ATRNL1: variants seen among roughly 807,000 people sequenced by gnomAD.
The protein encoded by ATRNL1 is attractin-like protein 1.
In ATRNL1, 95 loss-of-function variants were observed where a neutral mutation model predicts 182.7. The ratio of observed to expected loss-of-function variants is 0.52; its 90% CI spans 0.44 to 0.62. ATRNL1 has a LOEUF of 0.62. ATRNL1 is among the 20% of genes least tolerant of loss of function. The pLI, the probability that ATRNL1 is intolerant of heterozygous loss-of-function variation, is 0.00. For missense variants in ATRNL1, 1,471 were observed against 1,679.5 expected, an observed-to-expected ratio of 0.88 and a Z score of 2.17; for synonymous variants, 576 against 568.3, an observed-to-expected ratio of 1.01 and a Z score of -0.19.
At chr10:115,343,093 G>C (rs782412342) in intron 19 of ATRNL1, among the ~76,000 whole-genome samples, 1 of 152,034 alleles carries the variant, frequency 6.6e-6, no homozygotes, top group Non-Finnish European at 1.5e-5. Context: ...TAAATGCCTT[G>C]ATGTAGTCTT....
intron 19 of ATRNL1, 30 bp downstream of exon 19, chr10:115,334,449 A>G (rs1855385873): frequency 2.0e-6 from 3 of 1,486,238 alleles, no homozygotes; most frequent in Non-Finnish European, 1.8e-6. Context: ...ATTTTGGTGT[A>G]TTTTTACTAA....
rs186346344 is a variant in ATRNL1 at position 115,583,964 on chromosome 10, T to C, written c.3795+34428T>C. On this transcript the variant is annotated intron_variant, in intron 26 of 28. Transcript: ENST00000355044. ...TATTGAGAGTTTTTAGCATGAAGCA[T>C]TGTTGAATTTTGTCAAAGGCCTTTG... 5.5e-3 allele frequency among the ~76,000 whole-genome samples: 830 copies of C among 152,256 alleles called. 3 individuals carry two copies. Among genetic ancestry groups the C allele is most frequent in the Non-Finnish European group, 6.8e-3 (465 of 68,012 alleles).
intron 20 of ATRNL1, among the ~76,000 whole-genome samples, chr10:115,399,475 C>G (rs73365440): frequency 0.019 from 2,894 of 152,056 alleles, 89 homozygotes; most frequent in African/African-American, 0.066. Context: ...ATAATGTTCT[C>G]TCATGGTTGT....
At chr10:115,558,065 C>CAAAA (rs113014620) in intron 26 of ATRNL1, among the ~76,000 whole-genome samples, 1 of 144,632 alleles carries the variant, frequency 6.9e-6, no homozygotes, top group African/African-American at 2.5e-5. Flanking sequence ...AACAAAAAAA[C>CAAAA]AAAAAAAAAA....
Position 115,281,432 on chromosome 10 carries a change from A to T in ATRNL1, c.2178A>T (p.Ser726=). Residue 726 remains serine, a synonymous_variant, in exon 14 of 29, where the codon TCA becomes TCT. Transcript: ENST00000355044. ...CNKLTSCKSC[S]LNLNCQWDQR... ...AACTTACCAGCTGTAAAAGCTGTTC[A>T]CTAAACTTGAATTGCCAGTGGGATC... 1 of 1,613,692 alleles carries T rather than the reference A, an allele frequency of 6.2e-7. No individual in the cohort carries two copies. Among genetic ancestry groups the T allele is most frequent in the Non-Finnish European group, 8.5e-7 (1 of 1,179,752 alleles).
At chr10:115,924,948 G>A (rs1555119641) in intron 28 of ATRNL1, among the ~76,000 whole-genome samples, 4 of 152,072 alleles carry the variant, frequency 2.6e-5, no homozygotes, top group Admixed American at 2.0e-4. Flanking sequence ...ACTTCCCCTT[G>A]AAGAGATCCC....
chr10:115,210,886 C>T (rs1236648454), intron 8 of ATRNL1, among the ~76,000 whole-genome samples: 2 of 151,888 alleles, frequency 1.3e-5, no homozygotes, highest in East Asian at 1.9e-4. Context: ...CTTTCATTTA[C>T]GTCACTTTAG....
At chr10:115,740,623 C>T (rs909192681) in intron 27 of ATRNL1, among the ~76,000 whole-genome samples, 18 of 152,042 alleles carry the variant, frequency 1.2e-4, no homozygotes, top group African/African-American at 3.1e-4. Context: ...CTTCTGCCTC[C>T]GCCTCTTGAG....
At chr10:115,881,418 G>A (rs1247091081) in intron 28 of ATRNL1, among the ~76,000 whole-genome samples, 1 of 152,146 alleles carries the variant, frequency 6.6e-6, no homozygotes, top group African/African-American at 2.4e-5. Context: ...TCTGCCGGAT[G>A]GTGATGAAGG....
intron 21 of ATRNL1, among the ~76,000 whole-genome samples, chr10:115,429,863 C>G (rs540474406): frequency 1.3e-5 from 2 of 152,010 alleles, no homozygotes; most frequent in African/African-American, 2.4e-5. Flanking sequence ...GTCAGGAGAT[C>G]GAGACCATCC....
intron 26 of ATRNL1, among the ~76,000 whole-genome samples, chr10:115,705,699 C>T (rs1946876172): frequency 6.6e-6 from 1 of 151,848 alleles, no homozygotes; most frequent in Non-Finnish European, 1.5e-5. Flanking sequence ...ATATGCATGT[C>T]CTATAAGATT....
At chr10:115,719,990 G>T (rs1337032570) in intron 26 of ATRNL1, among the ~76,000 whole-genome samples, 5 of 151,412 alleles carry the variant, frequency 3.3e-5, no homozygotes, top group Admixed American at 1.3e-4. Context: ...CTCCTGAGTA[G>T]CTGGGATTAC....
chr10:115,768,543 G>A (rs893439934), intron 27 of ATRNL1, among the ~76,000 whole-genome samples: 6 of 151,818 alleles, frequency 4.0e-5, no homozygotes, highest in African/African-American at 9.7e-5. Context: ...TTTGACCATC[G>A]TTCTACTGAC....
chr10:115,855,873 A>G (rs1000840561), intron 28 of ATRNL1, among the ~76,000 whole-genome samples: 6 of 152,238 alleles, frequency 3.9e-5, no homozygotes, highest in African/African-American at 1.2e-4. Context: ...TTATATTTCC[A>G]ATGTAGCATG....
intron 20 of ATRNL1, among the ~76,000 whole-genome samples, chr10:115,405,867 A>C (rs1478799009): frequency 4.6e-5 from 5 of 108,810 alleles, no homozygotes; most frequent in Non-Finnish European, 6.9e-5. Context: ...AACAGGCCCC[A>C]GTTTGTGATG....
At chr10:115,115,575 G>A (rs1844446433) in intron 1 of ATRNL1, among the ~76,000 whole-genome samples, 1 of 151,990 alleles carries the variant, frequency 6.6e-6, no homozygotes, top group Non-Finnish European at 1.5e-5. Flanking sequence ...TTAATAAGCT[G>A]ATAAATAGTA....
intron 25 of ATRNL1, among the ~76,000 whole-genome samples, chr10:115,543,358 G>A (rs938701922): frequency 6.6e-5 from 10 of 151,962 alleles, no homozygotes; most frequent in Non-Finnish European, 1.3e-4. Context: ...AGTTAGAAGT[G>A]TATTCTGTTA....
intron 21 of ATRNL1, among the ~76,000 whole-genome samples, chr10:115,429,209 T>G (rs1846038095): frequency 6.6e-6 from 1 of 152,130 alleles, no homozygotes; most frequent in Non-Finnish European, 1.5e-5. Flanking sequence ...AAAATTTTGT[T>G]TTCTACTCTT....
chr10:115,487,796 T>G (rs1565095170), intron 24 of ATRNL1, among the ~76,000 whole-genome samples: 1 of 152,148 alleles, frequency 6.6e-6, no homozygotes, highest in Non-Finnish European at 1.5e-5. Flanking sequence ...GAGGGCATCC[T>G]TGTCTTGTGG....
Sources: gnomAD v4.1 joint callset for allele counts (sites outside exome capture counted in the v4.1 genomes callset) on GRCh38, gnomAD v4.1.1 for gene constraint, MANE v1.5 for transcripts, NCBI Gene and HGNC (gene_info 2026-07-23, HGNC 2026-07-21) for gene names.